The following PLPPR1 variants were observed in gnomAD, a reference collection of about 807,000 sequenced individuals.
PLPPR1 encodes phospholipid phosphatase related 1.
Under a neutral mutation model 33.1 loss-of-function variants are expected in PLPPR1, and 10 were observed. That is an observed-to-expected ratio of 0.30 (90% CI 0.19 to 0.51). The LOEUF is 0.51. Ranked by LOEUF, PLPPR1 falls within the 20% of genes least tolerant of loss-of-function variation. The probability of loss-of-function intolerance (pLI) is 0.97; values close to 1 mark genes in which losing one functional copy is unlikely to be tolerated. For missense variants in PLPPR1, 304 were observed against 408.1 expected (o/e 0.74, Z 2.20); for synonymous variants, 151 against 151.0 (o/e 1.00, Z 0.00).
At chr9:101,130,539 T>C (rs1564153162) in intron 1 of PLPPR1, among the ~76,000 whole-genome samples, 1 of 152,256 alleles carries the variant, frequency 6.6e-6, no homozygotes, top group South Asian at 2.1e-4. Context: ...TTATTACATA[T>C]TGTTAAGCAC....
chr9:101,176,216 C>T (rs1161716504), intron 1 of PLPPR1, among the ~76,000 whole-genome samples: 2 of 152,190 alleles, frequency 1.3e-5, no homozygotes, highest in Non-Finnish European at 2.9e-5. Context: ...GAGGCCCCAC[C>T]TCCACCTACT....
chr9:101,191,854 C>T (rs1335038994), intron 2 of PLPPR1, among the ~76,000 whole-genome samples: 4 of 152,138 alleles, frequency 2.6e-5, no homozygotes, highest in Admixed American at 6.5e-5. Flanking sequence ...TATTAAGTAC[C>T]AGGAATTGGA....
chr9:101,301,646 C>A (rs1828754979), intron 4 of PLPPR1, among the ~76,000 whole-genome samples: 1 of 152,130 alleles, frequency 6.6e-6, no homozygotes, highest in East Asian at 1.9e-4. Flanking sequence ...AATTTACTAT[C>A]CAAGGAACTG....
chr9:101,070,640 G>C (rs1317300682), intron 1 of PLPPR1, among the ~76,000 whole-genome samples: 2 of 151,958 alleles, frequency 1.3e-5, no homozygotes, highest in Non-Finnish European at 2.9e-5. Flanking sequence ...CTCAATAACG[G>C]CCTACCCTGG....
At chr9:101,222,929 G>T (rs1006215445) in intron 2 of PLPPR1, among the ~76,000 whole-genome samples, 1 of 149,824 alleles carries the variant, frequency 6.7e-6, no homozygotes, top group African/African-American at 2.5e-5. Context: ...TAAGTGTTTT[G>T]GTTGTCTATC....
intron 7 of PLPPR1, among the ~76,000 whole-genome samples, chr9:101,320,519 G>A (rs186563872): frequency 7.9e-5 from 12 of 152,222 alleles, no homozygotes; most frequent in East Asian, 3.9e-4. Context: ...GAACATCCAC[G>A]GAAAGTAGAG....
At chr9:101,235,818 G>A (rs1051657614) in intron 2 of PLPPR1, among the ~76,000 whole-genome samples, 4 of 151,748 alleles carry the variant, frequency 2.6e-5, no homozygotes, top group African/African-American at 9.7e-5. Flanking sequence ...ATCTTAGTGT[G>A]ACTTATTAGC....
chr9:101,109,388 C>T (rs1488127990), intron 1 of PLPPR1, among the ~76,000 whole-genome samples: 4 of 152,012 alleles, frequency 2.6e-5, no homozygotes, highest in Admixed American at 2.0e-4. Flanking sequence ...ACTTAGATTT[C>T]CCCAAGGGCG....
chr9:101,033,275 A>G (rs943102223), intron 1 of PLPPR1, among the ~76,000 whole-genome samples: 1 of 152,234 alleles, frequency 6.6e-6, no homozygotes, highest in Admixed American at 6.5e-5. Context: ...AATCCAAGAT[A>G]GCACTTCGGG....
intron 1 of PLPPR1, among the ~76,000 whole-genome samples, chr9:101,117,513 A>G (rs1831130545): frequency 6.6e-6 from 1 of 152,238 alleles, no homozygotes. Flanking sequence ...CTTTTCCTGG[A>G]AAACTCATGA....
At chr9:101,226,412 G>A (rs1018004504) in intron 2 of PLPPR1, among the ~76,000 whole-genome samples, 2 of 152,120 alleles carry the variant, frequency 1.3e-5, no homozygotes, top group African/African-American at 4.8e-5. Context: ...GTCATAGGCT[G>A]TTTGTGCTGC....
Position 101,086,969 on chromosome 9 carries a change from A to G in PLPPR1, c.-46+57867A>G, listed in dbSNP as rs1830684729. 2.0e-5 allele frequency among the ~76,000 whole-genome samples: 3 copies of G among 152,188 alleles called. No homozygotes were observed. The South Asian group carries it at 6.2e-4, about 32-fold the overall frequency. Reference sequence around the variant, plus strand: ...CAAGGAGGGTGGATCACTTGAGGTCAGGAGTTTGAGACCAGCCTGGCCAAC... The same window carrying G: ...CAAGGAGGGTGGATCACTTGAGGTCGGGAGTTTGAGACCAGCCTGGCCAAC... On this transcript the variant is annotated intron_variant, in intron 1 of 7. Transcript: ENST00000374874.
intron 1 of PLPPR1, among the ~76,000 whole-genome samples, chr9:101,059,135 G>A (rs1319740438): frequency 6.6e-6 from 1 of 151,958 alleles, no homozygotes; most frequent in Non-Finnish European, 1.5e-5. Flanking sequence ...AACTTTTTTT[G>A]TGTGATCTTT....
intron 2 of PLPPR1, among the ~76,000 whole-genome samples, chr9:101,201,120 A>C (rs888904910): frequency 3.3e-5 from 5 of 152,226 alleles, no homozygotes; most frequent in African/African-American, 1.2e-4. Context: ...GACAAACACC[A>C]TGTCCTCACA....
intron 1 of PLPPR1, among the ~76,000 whole-genome samples, chr9:101,051,305 ATCTC>A (rs372579621): frequency 1.3e-5 from 2 of 149,668 alleles, no homozygotes; most frequent in East Asian, 3.9e-4. Flanking sequence ...CACTACCACT[ATCTC>A]TCTCTCTCTC....
chr9:101,115,624 G>A lies in PLPPR1; in HGVS notation c.-45-69826G>A, dbSNP rs571714045. 7.2e-5 allele frequency among the ~76,000 whole-genome samples: 11 copies of A among 152,288 alleles called. No homozygotes were observed. The South Asian group carries it at 1.7e-3, about 23-fold the overall frequency. ...TTGCATAATAGCCTTTTTAGCAACCGTTACTTAAAACCTGACAGTGAAATG... is the reference window on the plus strand; with the variant it reads ...TTGCATAATAGCCTTTTTAGCAACCATTACTTAAAACCTGACAGTGAAATG... On this transcript the variant is annotated intron_variant, in intron 1 of 7. Transcript: ENST00000374874.
chr9:101,176,854 T>A (rs1392656630), intron 1 of PLPPR1, among the ~76,000 whole-genome samples: 1 of 152,070 alleles, frequency 6.6e-6, no homozygotes, highest in Non-Finnish European at 1.5e-5. Flanking sequence ...TCAAACTAAT[T>A]ATGAAAACAC....
At chr9:101,156,772 G>C (rs940598854) in intron 1 of PLPPR1, among the ~76,000 whole-genome samples, 2 of 152,066 alleles carry the variant, frequency 1.3e-5, no homozygotes, top group African/African-American at 4.8e-5. Flanking sequence ...AATGGGAAGA[G>C]GAGAGGGGAA....
At position 101,266,258 on chromosome 9, in the gene PLPPR1, C is replaced by A. The variant is rs1827991357; in HGVS notation, c.64-3622C>A. On this transcript the variant is annotated intron_variant, in intron 2 of 7. Coordinates refer to ENST00000374874, the MANE Select transcript of PLPPR1 (RefSeq NM_207299.2). ...CCTGGTCAACATGATGAAACCTTGTCTCTACTAAAAATACAAAAAATTAGC... is the reference window on the plus strand; with the variant it reads ...CCTGGTCAACATGATGAAACCTTGTATCTACTAAAAATACAAAAAATTAGC... Among the ~76,000 whole-genome samples the A allele has an allele frequency of 3.3e-5, 5 of 151,854 alleles. No homozygotes were observed. In the South Asian group the frequency reaches 1.0e-3, roughly 32 times the overall value.
Sources: gnomAD v4.1 joint callset for allele counts (sites outside exome capture counted in the v4.1 genomes callset) on GRCh38, gnomAD v4.1.1 for gene constraint, MANE v1.5 for transcripts, NCBI Gene and HGNC (gene_info 2026-07-23, HGNC 2026-07-21) for gene names.